The following DPH6 variants were observed in gnomAD, a reference collection of about 807,000 sequenced individuals.
The protein encoded by DPH6 is diphthine--ammonia ligase.
A neutral mutation model predicts 38.2 loss-of-function variants in DPH6; 33 were observed. That is an observed-to-expected ratio of 0.86 (90% CI 0.65 to 1.15). DPH6 has a LOEUF of 1.15. Ranked by LOEUF, DPH6 falls within the 50% of genes most tolerant of loss-of-function variation. The pLI is 0.00. For missense variants in DPH6, 325 were observed against 320.0 expected, an observed-to-expected ratio of 1.02 and a Z score of -0.12; for synonymous variants, 108 against 103.0, an observed-to-expected ratio of 1.05 and a Z score of -0.30.
intron 3 of DPH6, among the ~76,000 whole-genome samples, chr15:35,348,888 A>C (rs1379902161): frequency 6.6e-6 from 1 of 152,108 alleles, no homozygotes; most frequent in Admixed American, 6.6e-5. Flanking sequence ...ATCTATAAGT[A>C]TGCTATTCTT....
intron 3 of DPH6, chr15:35,237,008 G>A: frequency 3.5e-6 from 1 of 282,492 alleles, no homozygotes; most frequent in Non-Finnish European, 6.6e-6. Flanking sequence ...AATCTGGTGA[G>A]TTGTTGAAGG....
chr15:35,281,623 T>C (rs1323051812), intron 3 of DPH6, among the ~76,000 whole-genome samples: 1 of 152,230 alleles, frequency 6.6e-6, no homozygotes, highest in Non-Finnish European at 1.5e-5. Flanking sequence ...ATTGGTCTAC[T>C]CTTCAGCTAT....
chr15:35,468,501 C>T (rs989762119), intron 3 of DPH6, among the ~76,000 whole-genome samples: 2 of 152,116 alleles, frequency 1.3e-5, no homozygotes, highest in South Asian at 2.1e-4. Flanking sequence ...AAGACAGATA[C>T]CCCATTATCT....
chr15:35,289,010 G>A (rs1056068241), intron 3 of DPH6, among the ~76,000 whole-genome samples: 3 of 151,652 alleles, frequency 2.0e-5, no homozygotes, highest in South Asian at 4.1e-4. Context: ...GGGGTAAAAT[G>A]AAAAGAGGAA....
At chr15:35,252,553 T>A (rs555157833) in intron 3 of DPH6, among the ~76,000 whole-genome samples, 1 of 152,360 alleles carries the variant, frequency 6.6e-6, no homozygotes, top group African/African-American at 2.4e-5. Context: ...GGACTAGTGA[T>A]CTGTGAAACA....
At chr15:35,490,868 A>C (rs1309905845) in intron 3 of DPH6, among the ~76,000 whole-genome samples, 1 of 152,122 alleles carries the variant, frequency 6.6e-6, no homozygotes, top group African/African-American at 2.4e-5. Context: ...TATTCAGCTC[A>C]AGGTTCTGGA....
intron 3 of DPH6, among the ~76,000 whole-genome samples, chr15:35,362,187 AG>A (rs932924921): frequency 5.1e-4 from 77 of 152,246 alleles, no homozygotes; most frequent in African/African-American, 1.8e-3. Flanking sequence ...TCACAAGGAG[AG>A]AAGTTTTCCA....
At chr15:35,339,998 T>C (rs1026683419) in intron 3 of DPH6, among the ~76,000 whole-genome samples, 1 of 152,170 alleles carries the variant, frequency 6.6e-6, no homozygotes, top group Non-Finnish European at 1.5e-5. Flanking sequence ...TCTCCCACTA[T>C]TATTGTGTGG....
At chr15:35,507,110 T>TA (rs2054704350) in intron 3 of DPH6, among the ~76,000 whole-genome samples, 1 of 149,804 alleles carries the variant, frequency 6.7e-6, no homozygotes, top group Non-Finnish European at 1.5e-5. Context: ...CTTTGATCTA[T>TA]ATTTAGAAAA....
At chr15:35,206,757 T>C in the DPH6 span, among the ~76,000 whole-genome samples, 1 of 152,218 alleles carries the variant, frequency 6.6e-6, no homozygotes, top group African/African-American at 2.4e-5. Flanking sequence ...GCCAATTACT[T>C]TAGAAACTAA....
chr15:35,360,246 T>G (rs1020986074), intron 3 of DPH6, among the ~76,000 whole-genome samples: 1 of 152,114 alleles, frequency 6.6e-6, no homozygotes, highest in African/African-American at 2.4e-5. Context: ...CTGTCTCACA[T>G]GGATGCTGCT....
chr15:35,518,461 A>G (rs943385073), intron 3 of DPH6, among the ~76,000 whole-genome samples: 3 of 152,026 alleles, frequency 2.0e-5, no homozygotes, highest in African/African-American at 7.2e-5. Flanking sequence ...CAGATACACT[A>G]AAGGGGAAAA....
intron 3 of DPH6, among the ~76,000 whole-genome samples, chr15:35,230,259 T>C (rs1444705029): frequency 6.6e-6 from 1 of 152,054 alleles, no homozygotes. Context: ...CACTCTTCCT[T>C]CCCCTTTCCA....
chr15:35,170,504 T>C, the DPH6 span, among the ~76,000 whole-genome samples: 1 of 152,172 alleles, frequency 6.6e-6, no homozygotes, highest in African/African-American at 2.4e-5. Flanking sequence ...CAGATTTACA[T>C]TGGGGTTGGT....
chr15:35,417,998 T>C (rs2053456895), intron 5 of DPH6, among the ~76,000 whole-genome samples: 1 of 152,258 alleles, frequency 6.6e-6, no homozygotes, highest in South Asian at 2.1e-4. Context: ...ATGGGCTTTT[T>C]CAATGCAATT....
the DPH6 span, among the ~76,000 whole-genome samples, chr15:35,150,008 T>C: frequency 6.6e-6 from 1 of 152,212 alleles, no homozygotes; most frequent in Non-Finnish European, 1.5e-5. Flanking sequence ...TTCTGCTCCA[T>C]GGCCCACACA....
At chr15:35,197,624 T>C in the DPH6 span, among the ~76,000 whole-genome samples, 1 of 152,242 alleles carries the variant, frequency 6.6e-6, no homozygotes, top group African/African-American at 2.4e-5. Flanking sequence ...ATACACTCTA[T>C]CTATTGCTTT....
At chr15:35,261,088 T>G (rs530841325) in intron 3 of DPH6, among the ~76,000 whole-genome samples, 116 of 152,392 alleles carry the variant, frequency 7.6e-4, no homozygotes, top group Non-Finnish European at 1.4e-3. Context: ...AATTTATTTC[T>G]GCATACCTCA....
At chr15:35,398,985 C>T (rs1485884642) in intron 6 of DPH6, among the ~76,000 whole-genome samples, 1 of 152,062 alleles carries the variant, frequency 6.6e-6, no homozygotes, top group Non-Finnish European at 1.5e-5. Context: ...TCAGATTCCC[C>T]TATAGTAAAA....
Sources: gnomAD v4.1 joint callset for allele counts (sites outside exome capture counted in the v4.1 genomes callset) on GRCh38, gnomAD v4.1.1 for gene constraint, MANE v1.5 for transcripts, NCBI Gene and HGNC (gene_info 2026-07-23, HGNC 2026-07-21) for gene names.